R3HDM1: variants seen among roughly 807,000 people sequenced by gnomAD.
The protein encoded by R3HDM1 is R3H domain containing 1, also known as R3H domain-containing protein 1.
R3HDM1 carries 46 observed loss-of-function variants against 141.1 expected under a neutral mutation model. That is an observed-to-expected ratio of 0.33 (90% CI 0.26 to 0.42). The LOEUF is 0.42. Among genes scored for constraint, R3HDM1 ranks in the 10% least tolerant of loss-of-function variants. The pLI is 1.00. For synonymous variants in R3HDM1, 435 were observed against 472.9 expected (o/e 0.92, Z 1.04); for missense variants, 1,184 against 1,368.3 (o/e 0.87, Z 2.12).
intron 11 of R3HDM1, among the ~76,000 whole-genome samples, chr2:135,638,402 G>T (rs1359493242): frequency 2.0e-5 from 3 of 152,134 alleles, no homozygotes; most frequent in Non-Finnish European, 4.4e-5. Flanking sequence ...GCCACAAAAT[G>T]AATAGTTTCA....
chr2:135,534,176 T>TG (rs1332604927), intron 1 of R3HDM1, among the ~76,000 whole-genome samples: 2 of 152,328 alleles, frequency 1.3e-5, no homozygotes, highest in East Asian at 3.9e-4. Flanking sequence ...ACATTTCAAA[T>TG]GGATTATTGG....
At chr2:135,709,109 T>C (rs2075308609) in intron 21 of R3HDM1, among the ~76,000 whole-genome samples, 1 of 152,138 alleles carries the variant, frequency 6.6e-6, no homozygotes, top group Admixed American at 6.5e-5. Context: ...AGTCTCGCTC[T>C]GTCGCACAGG....
chr2:135,616,578 A>G (rs754825159), intron 4 of R3HDM1, 90 bp from the exon 5 acceptor site: 75 of 1,102,032 alleles, frequency 6.8e-5, no homozygotes, highest in Non-Finnish European at 8.1e-5. Context: ...GGCAGAAACT[A>G]TAAAGAAACT....
chr2:135,537,660 TA>T (rs1430662528), intron 1 of R3HDM1, among the ~76,000 whole-genome samples: 1 of 147,670 alleles, frequency 6.8e-6, no homozygotes, highest in African/African-American at 2.5e-5. Flanking sequence ...TATTTTATTT[TA>T]TTTTATTTTA....
intron 21 of R3HDM1, among the ~76,000 whole-genome samples, chr2:135,699,048 A>AT (rs1199510539): frequency 0.012 from 1,573 of 130,384 alleles, 72 homozygotes; most frequent in African/African-American, 0.049. Flanking sequence ...GATAGATAAG[A>AT]TAGATAAGAT....
intron 1 of R3HDM1, chr2:135,550,302 T>G: frequency 9.0e-6 from 8 of 891,586 alleles, no homozygotes; most frequent in Non-Finnish European, 1.1e-5. Context: ...TGGAAATTTC[T>G]TTATGCCTTT....
chr2:135,674,550 C>T (rs1198423449), intron 19 of R3HDM1, among the ~76,000 whole-genome samples: 8 of 152,102 alleles, frequency 5.3e-5, no homozygotes, highest in Non-Finnish European at 5.9e-5. Context: ...AAATACAATT[C>T]GTATTCTCTA....
At chr2:135,669,414 A>G (rs1465827789) in intron 19 of R3HDM1, 2 of 984,184 alleles carry the variant, frequency 2.0e-6, no homozygotes, top group East Asian at 2.3e-4. Context: ...ATGAACGAAA[A>G]GTTTCCTTGT....
intron 1 of R3HDM1, among the ~76,000 whole-genome samples, chr2:135,546,656 CTG>C (rs1698756412): frequency 6.6e-6 from 1 of 151,864 alleles, no homozygotes; most frequent in Admixed American, 6.6e-5. Flanking sequence ...ATGATGTTAT[CTG>C]TGTGATTTTA....
At chr2:135,710,604 C>T (rs969492228) in intron 23 of R3HDM1, among the ~76,000 whole-genome samples, 1 of 151,824 alleles carries the variant, frequency 6.6e-6, no homozygotes, top group Non-Finnish European at 1.5e-5. Context: ...GAGCCAAGAT[C>T]GTGCCATTGC....
chr2:135,533,362 G>A (rs1695339672), intron 1 of R3HDM1, among the ~76,000 whole-genome samples: 1 of 152,220 alleles, frequency 6.6e-6, no homozygotes, highest in Non-Finnish European at 1.5e-5. Context: ...ATTGCCAGCT[G>A]CCAGCATAGT....
chr2:135,578,614 C>G (rs1005918644), intron 1 of R3HDM1, among the ~76,000 whole-genome samples: 2 of 152,090 alleles, frequency 1.3e-5, no homozygotes, highest in African/African-American at 4.8e-5. Context: ...TTTATGAAGT[C>G]AATGAATAAC....
intron 1 of R3HDM1, among the ~76,000 whole-genome samples, chr2:135,532,995 G>C (rs1318342359): frequency 1.3e-5 from 2 of 152,148 alleles, no homozygotes; most frequent in African/African-American, 4.8e-5. Context: ...AATAAACTTG[G>C]GTTCTGAGGA....
At chr2:135,623,321 G>A (rs958399) in intron 7 of R3HDM1, among the ~76,000 whole-genome samples, 1,967 of 152,286 alleles carry the variant, frequency 0.013, 32 homozygotes, top group African/African-American at 0.043. Flanking sequence ...CTTTCATGGA[G>A]TGAAAGATGC....
intron 7 of R3HDM1, among the ~76,000 whole-genome samples, chr2:135,624,602 C>T (rs1236663393): frequency 1.3e-5 from 2 of 151,944 alleles, no homozygotes; most frequent in East Asian, 1.9e-4. Flanking sequence ...TGATGAACCA[C>T]GAAAAATTGT....
chr2:135,599,561 C>G (rs1421710312), intron 1 of R3HDM1, among the ~76,000 whole-genome samples: 1 of 152,138 alleles, frequency 6.6e-6, no homozygotes, highest in Non-Finnish European at 1.5e-5. Context: ...TGTGCCATGT[C>G]TATCTTGTAG....
In R3HDM1 at chr2:135,615,297, A is replaced by G. The variant is rs763324126; in HGVS notation, c.172-855A>G. Among the ~76,000 whole-genome samples the G allele has an allele frequency of 3.3e-5, 5 of 151,618 alleles. 1 individual carries two copies. In the East Asian group the frequency reaches 5.8e-4, roughly 18 times the overall value. On this transcript the variant is annotated intron_variant, in intron 3 of 26. Transcript: ENST00000683871. The stretch of plus-strand genomic sequence containing the variant: ...CTAGTCTGGATATTAAGGATTTTGT[A>G]TCTGTTTTATGTTTGTTACCAGACT...
intron 1 of R3HDM1, among the ~76,000 whole-genome samples, chr2:135,573,268 G>A (rs953390347): frequency 1.3e-5 from 2 of 152,050 alleles, no homozygotes; most frequent in African/African-American, 4.8e-5. Context: ...AATAAATATA[G>A]AATAAGAAGG....
chr2:135,658,328 G>A (rs993178619), intron 18 of R3HDM1, among the ~76,000 whole-genome samples: 2 of 151,964 alleles, frequency 1.3e-5, no homozygotes, highest in African/African-American at 4.8e-5. Context: ...CACCATGCCC[G>A]GCTAATTTTT....
Sources: allele counts gnomAD v4.1 joint callset (sites outside exome capture counted in the v4.1 genomes callset), GRCh38; gene constraint gnomAD v4.1.1; transcripts MANE v1.5; gene names NCBI Gene and HGNC (gene_info 2026-07-23, HGNC 2026-07-21).